ROCK1: variants seen among roughly 807,000 people sequenced by gnomAD.
ROCK1 encodes Rho associated coiled-coil containing protein kinase 1.
Under a neutral mutation model 196.8 loss-of-function variants are expected in ROCK1, and 36 were observed. That is an observed-to-expected ratio of 0.18 (90% CI 0.14 to 0.24). ROCK1 has a LOEUF of 0.24. Ranked by LOEUF, ROCK1 falls within the 10% of genes least tolerant of loss-of-function variation. ROCK1 has a pLI of 1.00. For synonymous variants in ROCK1, 443 were observed against 515.9 expected (o/e 0.86, Z 1.91); for missense variants, 920 against 1,562.0 (o/e 0.59, Z 6.93).
intron 7 of ROCK1, 67 bp from the exon 8 acceptor site, chr18:21,042,302 A>G: frequency 1.4e-6 from 2 of 1,381,458 alleles, no homozygotes; most frequent in Non-Finnish European, 2.0e-6. Flanking sequence ...TTTCAAAGGA[A>G]GAGTCAAAGT....
intron 1 of ROCK1, among the ~76,000 whole-genome samples, chr18:21,076,954 GGACA>G: frequency 6.9e-6 from 1 of 145,006 alleles, no homozygotes; most frequent in East Asian, 2.1e-4. Context: ...CCAGAGAAAA[GGACA>G]GTCTTTTTTT....
chr18:20,967,899 A>T lies in ROCK1; in HGVS notation c.3045T>A (p.Phe1015Leu), dbSNP rs1317091806. ...TATTAGCTTTCTTTCTATCAATTTTAAAATCTTTTCGATTCATTATTTCTG... is the reference window on the plus strand; with the variant it reads ...TATTAGCTTTCTTTCTATCAATTTTTAAATCTTTTCGATTCATTATTTCTG... ...KLAEIMNRKDFKIDRKKANTQ... is the reference protein window; with the variant it reads ...KLAEIMNRKDLKIDRKKANTQ... Residue 1015 changes from phenylalanine to leucine, a missense_variant, in exon 26 of 33, where the codon TTT (phenylalanine) becomes TTA (leucine). Phe to Leu is a conservative substitution (Grantham distance 22, BLOSUM62 0). Coordinates refer to ENST00000399799, the MANE Select transcript of ROCK1 (RefSeq NM_005406.3). 6.3e-7 allele frequency: 1 copy of T among 1,584,520 alleles called. No individual in the cohort carries two copies. Among genetic ancestry groups the T allele is most frequent in the Non-Finnish European group, 8.6e-7 (1 of 1,164,160 alleles).
chr18:21,012,368 T>C (rs1431367671), intron 13 of ROCK1, among the ~76,000 whole-genome samples: 3 of 152,210 alleles, frequency 2.0e-5, no homozygotes, highest in South Asian at 2.1e-4. Context: ...AATGTTGTCA[T>C]TTTCTTTTTC....
intron 29 of ROCK1, among the ~76,000 whole-genome samples, chr18:20,959,044 TATA>T (rs1200096884): frequency 1.7e-5 from 1 of 58,668 alleles, no homozygotes; most frequent in African/African-American, 1.4e-4. Flanking sequence ...TTATATAATA[TATA>T]ATATATATAT....
intron 6 of ROCK1, among the ~76,000 whole-genome samples, chr18:21,043,399 T>C (rs9962144): frequency 0.01 from 1,543 of 152,016 alleles, 20 homozygotes; most frequent in African/African-American, 0.036. Flanking sequence ...TGAAACAGCA[T>C]TATAACTAAA....
At chr18:20,958,047 G>T (rs2035263253) in intron 29 of ROCK1, among the ~76,000 whole-genome samples, 1 of 152,086 alleles carries the variant, frequency 6.6e-6, no homozygotes, top group Admixed American at 6.6e-5. Flanking sequence ...GAACACTTAA[G>T]ATCTATGAAC....
chr18:21,089,747 AT>A (rs1406174512), intron 1 of ROCK1, among the ~76,000 whole-genome samples: 17 of 152,218 alleles, frequency 1.1e-4, no homozygotes, highest in Non-Finnish European at 1.3e-4. Flanking sequence ...AAAGTGTCAA[AT>A]ATCTCATGTA....
At chr18:20,990,105 G>T (rs552728255) in intron 18 of ROCK1, among the ~76,000 whole-genome samples, 23 of 151,476 alleles carry the variant, frequency 1.5e-4, no homozygotes, top group African/African-American at 5.1e-4. Flanking sequence ...TTTAAAAATT[G>T]AAAAAAAATT....
At chr18:21,022,042 A>G (rs1238058463) in intron 11 of ROCK1, among the ~76,000 whole-genome samples, 1 of 151,154 alleles carries the variant, frequency 6.6e-6, no homozygotes, top group Non-Finnish European at 1.5e-5. Context: ...CTTATATTTA[A>G]GAGTCAATAT....
chr18:21,025,788 C>A (rs2035950765), intron 10 of ROCK1, among the ~76,000 whole-genome samples: 1 of 152,068 alleles, frequency 6.6e-6, no homozygotes, highest in African/African-American at 2.4e-5. Context: ...GCAACCGTAC[C>A]TTTGCCTGTT....
intron 27 of ROCK1, among the ~76,000 whole-genome samples, chr18:20,961,459 T>C (rs2143341132): frequency 6.6e-6 from 1 of 152,258 alleles, no homozygotes; most frequent in East Asian, 1.9e-4. Context: ...TCCGAGGAAT[T>C]CGGAAAAGGT....
In ROCK1 at chr18:20,991,282, T is replaced by C; in HGVS notation, c.2037A>G (p.Ser679=). Residue 679 remains serine (S), a synonymous_variant, in exon 18 of 33, where the codon TCA becomes TCG. Coordinates refer to ENST00000399799, the MANE Select transcript of ROCK1 (RefSeq NM_005406.3). ...CCTCTTGTTCTAACCGTTGTTGTAATGATTTAAGTTTGTAGTTTAAATCTA... is the reference window on the plus strand; with the variant it reads ...CCTCTTGTTCTAACCGTTGTTGTAACGATTTAAGTTTGTAGTTTAAATCTA... ...LEIDLNYKLK[S]LQQRLEQEVN... 6.2e-7 allele frequency: 1 copy of C among 1,604,846 alleles called. No individual in the cohort carries two copies. The highest frequency in any genetic ancestry group is 8.5e-7 in the Non-Finnish European group (1 of 1,174,356).
In ROCK1 at chr18:20,988,245, T is replaced by C. The variant is rs188183723; in HGVS notation, c.2144-1135A>G. ...TACACGCAGCTAATTTTTGTATTTT[T>C]CAGTAGAGATGGGGGTTTCACCATG... On this transcript the variant is annotated intron_variant, in intron 18 of 32. Transcript: ENST00000399799. Among the ~76,000 whole-genome samples the C allele has an allele frequency of 5.8e-4, 88 of 152,128 alleles. 1 individual carries two copies. Among genetic ancestry groups the C allele is most frequent in the Non-Finnish European group, 1.8e-4 (12 of 67,996 alleles).
chr18:21,029,797 TAAATTCTAAGAAAATA>T (rs1278901901), intron 9 of ROCK1, among the ~76,000 whole-genome samples: 1 of 152,062 alleles, frequency 6.6e-6, no homozygotes, highest in Non-Finnish European at 1.5e-5. Flanking sequence ...CATCTAAAAA[TAAATTCTAAGAAAATA>T]AAATTTTAAG....
At chr18:21,086,478 A>T (rs1375393579) in intron 1 of ROCK1, among the ~76,000 whole-genome samples, 3 of 152,098 alleles carry the variant, frequency 2.0e-5, no homozygotes, top group Non-Finnish European at 2.9e-5. Flanking sequence ...ATTATCATAC[A>T]ATCAGACCTT....
chr18:20,953,639 T>C lies in ROCK1; in HGVS notation c.4000A>G (p.Thr1334Ala), dbSNP rs774164361. 1.3e-4 allele frequency: 216 copies of C among 1,612,644 alleles called. 1 individual carries two copies. The Middle Eastern group carries it at 1.7e-3, about 12-fold the overall frequency. Residue 1334 changes from threonine (T) to alanine (A), a missense_variant, in exon 32 of 33, where the codon ACA (threonine) becomes GCA (alanine). Around this residue, in one of 6 missense-constraint regions of ROCK1, gnomAD observed 49 missense variants for 180.4 expected, o/e 0.27. Transcript: ENST00000399799. ...AAAGACTGATTTGCAGTGGATCTTG[T>C]AGAAAGCGTTCGAGGGGAAGCACGA... is the stretch of plus-strand genomic sequence containing the variant. ...FVRASPRTLS[T>A]RSTANQSFRK...
At chr18:20,967,678 T>A in intron 26 of ROCK1, 74 bp downstream of exon 26, 1 of 1,140,844 alleles carries the variant, frequency 8.8e-7, no homozygotes, top group Non-Finnish European at 1.2e-6. Context: ...GATAAATAGA[T>A]AACAAGTATA....
intron 1 of ROCK1, among the ~76,000 whole-genome samples, chr18:21,093,476 T>C (rs970520964): frequency 7.2e-5 from 11 of 152,202 alleles, no homozygotes; most frequent in African/African-American, 2.7e-4. Context: ...AATTCAATTT[T>C]ACAGATTGAG....
chr18:21,094,667 T>C (rs2036597869), intron 1 of ROCK1, among the ~76,000 whole-genome samples: 1 of 151,804 alleles, frequency 6.6e-6, no homozygotes. Context: ...GAGAATCATC[T>C]GAGCCAGAGA....
Sources: allele counts gnomAD v4.1 joint callset (sites outside exome capture counted in the v4.1 genomes callset), GRCh38; gene constraint gnomAD v4.1.1; regional missense constraint gnomAD v4.1.1; transcripts MANE v1.5; gene names NCBI Gene and HGNC (gene_info 2026-07-23, HGNC 2026-07-21).